Variants in PTPN3 observed in about 807,000 individuals in gnomAD.
PTPN3 encodes the protein protein tyrosine phosphatase non-receptor type 3.
A neutral mutation model predicts 132.7 loss-of-function variants in PTPN3; 96 were observed. The ratio of observed to expected loss-of-function variants is 0.72; its 90% CI spans 0.61 to 0.86. The LOEUF (loss-of-function observed/expected upper bound fraction) is 0.86, where lower values mean the gene tolerates loss of function less well. Ranked by LOEUF, PTPN3 falls within the 40% of genes least tolerant of loss-of-function variation. PTPN3 has a pLI of 0.00. For missense variants in PTPN3, 1,125 were observed against 1,159.6 expected (o/e 0.97, Z 0.43); for synonymous variants, 398 against 429.0 (o/e 0.93, Z 0.89).
chr9:109,391,080 A>G (rs543360399), intron 21 of PTPN3, 58 bp downstream of exon 21: 4 of 1,505,482 alleles, frequency 2.7e-6, no homozygotes, highest in African/African-American at 1.4e-5. Flanking sequence ...ACAGGCCCTC[A>G]TCATCGTTGC....
At chr9:109,477,160 G>A (rs763618537) in intron 1 of PTPN3, among the ~76,000 whole-genome samples, 9 of 152,306 alleles carry the variant, frequency 5.9e-5, no homozygotes, top group Middle Eastern at 6.8e-3. Flanking sequence ...ACGAATTACA[G>A]GTGATTCACT....
At chr9:109,449,622 C>T in intron 5 of PTPN3, 1 of 985,410 alleles carries the variant, frequency 1.0e-6, no homozygotes. Context: ...CCTGGGGAGA[C>T]TTCTATTTAG....
chr9:109,440,544 C>T (rs1002202677), intron 7 of PTPN3, among the ~76,000 whole-genome samples: 1 of 152,190 alleles, frequency 6.6e-6, no homozygotes, highest in African/African-American at 2.4e-5. Context: ...CACCAGCCTG[C>T]CTGCCAGGCC....
intron 19 of PTPN3, among the ~76,000 whole-genome samples, chr9:109,398,352 T>C (rs1840767687): frequency 6.6e-6 from 1 of 152,220 alleles, no homozygotes. Context: ...AAACCTCTTA[T>C]AAAGTTTTCA....
intron 1 of PTPN3, among the ~76,000 whole-genome samples, chr9:109,474,337 C>T (rs1846532553): frequency 6.6e-6 from 1 of 152,174 alleles, no homozygotes; most frequent in South Asian, 2.1e-4. Context: ...TTTTAGCCTC[C>T]TTGGTTGCTA....
chr9:109,444,018 C>T (rs1844675808), intron 7 of PTPN3, among the ~76,000 whole-genome samples: 1 of 152,190 alleles, frequency 6.6e-6, no homozygotes, highest in South Asian at 2.1e-4. Flanking sequence ...AGGGCCACCT[C>T]AGGAGTCCGT....
chr9:109,500,650 G>C (rs1462029852), upstream of PTPN3, among the ~76,000 whole-genome samples: 1 of 151,492 alleles, frequency 6.6e-6, no homozygotes, highest in East Asian at 1.9e-4. Context: ...CAGAAAACAG[G>C]TCGGGTGAGG....
intron 21 of PTPN3, among the ~76,000 whole-genome samples, chr9:109,390,341 C>T (rs1271283551): frequency 4.6e-5 from 7 of 152,156 alleles, no homozygotes; most frequent in Non-Finnish European, 8.8e-5. Flanking sequence ...CCACGTATCG[C>T]CTGAAGGCCA....
chr9:109,448,983 T>C, intron 5 of PTPN3, 128 bp from the exon 6 acceptor site: 1 of 1,468,114 alleles, frequency 6.8e-7, no homozygotes, highest in Non-Finnish European at 9.0e-7. Flanking sequence ...ACGGTTTTGG[T>C]CCAAGGTATC....
chr9:109,420,430 T>C lies in PTPN3; in HGVS notation c.1307A>G (p.His436Arg). 1 of 1,593,448 alleles carries C rather than the reference T, an allele frequency of 6.3e-7. No homozygotes were observed. The highest frequency in any genetic ancestry group is 8.6e-7 in the Non-Finnish European group (1 of 1,165,718). The stretch of plus-strand genomic sequence containing the variant: ...AACAACACGAGTTTCTTACTCTTGG[T>C]GCGGGCTTCGGTTCTGAGAAACTTC... ...DSEVSQNRSP[H>R]QESLSENNPA... The change falls in exon 14 of 26, where the codon CAC (histidine) becomes CGC (arginine). Residue 436 changes from histidine to arginine, a missense_variant. Coordinates refer to ENST00000374541, the MANE Select transcript of PTPN3 (RefSeq NM_002829.4).
At chr9:109,437,296 G>A (rs2131931895) in intron 8 of PTPN3, among the ~76,000 whole-genome samples, 1 of 152,298 alleles carries the variant, frequency 6.6e-6, no homozygotes, top group South Asian at 2.1e-4. Flanking sequence ...GGAATCTTTA[G>A]GTCTCTCTGC....
Position 109,426,990 on chromosome 9 carries a change from G to A in PTPN3, c.961C>T (p.Leu321=). The A allele has an allele frequency of 6.2e-7, 1 of 1,613,808 alleles. No individual in the cohort carries two copies. Among genetic ancestry groups the A allele is most frequent in the East Asian group, 2.2e-5 (1 of 44,884 alleles). ...GAGCCCATAGTCCAGTACTGAGACA[G>A]AACATTCTTTTCCTGAGGTAGTAGC... is the stretch of plus-strand genomic sequence containing the variant. ...KKLLPQEKNV[L]SQYWTMGSRN... Residue 321 remains leucine (L), a synonymous_variant, in exon 12 of 26, where the codon CTG becomes TTG. Coordinates refer to ENST00000374541, the MANE Select transcript of PTPN3 (RefSeq NM_002829.4).
intron 23 of PTPN3, among the ~76,000 whole-genome samples, chr9:109,382,934 T>C (rs1435713875): frequency 6.6e-6 from 1 of 152,164 alleles, no homozygotes; most frequent in Non-Finnish European, 1.5e-5. Flanking sequence ...CATTATGCCA[T>C]ATGGCAAAAT....
rs1011708988 is a variant in PTPN3, at chr9:109,485,689, C to T, written c.-18+12530G>A. Among the ~76,000 whole-genome samples, 9 of 152,160 alleles carry T rather than the reference C, an allele frequency of 5.9e-5. No homozygotes were observed. In the East Asian group the frequency reaches 7.7e-4, roughly 13 times the overall value. ...CAGTTTCCACACTCATCTCCTCCTA[C>T]GGAAACCAGACTCTTCTCCTTCCCC... is the stretch of plus-strand genomic sequence containing the variant. On this transcript the variant is annotated intron_variant, in intron 1 of 25. Transcript: ENST00000374541.
Position 109,392,969 on chromosome 9 carries a change from C to T in PTPN3, c.1954-1408G>A, listed in dbSNP as rs139962845. On this transcript the variant is annotated intron_variant, in intron 19 of 25. Transcript: ENST00000374541. ...GTCCTAAAAGAAGATAGTAAGTATTCCTTAGAAAAAGTTTCAAAGTCAAGA... is the reference window on the plus strand; with the variant it reads ...GTCCTAAAAGAAGATAGTAAGTATTTCTTAGAAAAAGTTTCAAAGTCAAGA... 4.6e-5 allele frequency: 7 copies of T among 152,226 alleles called. 1 individual carries two copies. In the East Asian group the frequency reaches 1.4e-3, roughly 29 times the overall value. 9.4% of individuals were successfully genotyped at this position (152,226 alleles called of 1,614,324 possible). A position where few individuals can be genotyped will look rare whatever the true frequency, so the allele number is the denominator to read the frequency against.
chr9:109,469,181 G>C (rs1846246985), intron 1 of PTPN3, among the ~76,000 whole-genome samples: 1 of 152,156 alleles, frequency 6.6e-6, no homozygotes, highest in Non-Finnish European at 1.5e-5. Context: ...ACAACGAAAG[G>C]GTAATGCCGC....
intron 1 of PTPN3, among the ~76,000 whole-genome samples, chr9:109,483,001 C>T (rs1847032106): frequency 6.6e-6 from 1 of 152,234 alleles, no homozygotes; most frequent in Non-Finnish European, 1.5e-5. Flanking sequence ...GCTATCCATG[C>T]CCTGATGCAC....
In PTPN3 at chr9:109,401,653, C is replaced by T. The variant is rs56106258; in HGVS notation, c.1953+2795G>A. Reference sequence around the variant, plus strand: ...CCCACAGCGCCTCCTTGTGGACTATCTGATAAACTGGAACCAGTTCTCGCA... The same window carrying T: ...CCCACAGCGCCTCCTTGTGGACTATTTGATAAACTGGAACCAGTTCTCGCA... On this transcript the variant is annotated intron_variant, in intron 19 of 25. Coordinates refer to ENST00000374541, the MANE Select transcript of PTPN3 (RefSeq NM_002829.4). Among the ~76,000 whole-genome samples the T allele has an allele frequency of 2.9e-3, 438 of 152,288 alleles. 1 individual carries two copies. Among genetic ancestry groups the T allele is most frequent in the Non-Finnish European group, 5.2e-3 (351 of 68,018 alleles).
chr9:109,514,041 G>A, the PTPN3 span, among the ~76,000 whole-genome samples: 3 of 152,088 alleles, frequency 2.0e-5, no homozygotes, highest in Non-Finnish European at 4.4e-5. Flanking sequence ...CCACCCAGTT[G>A]TCTGGACTCC....
Sources: gnomAD v4.1 joint callset for allele counts (sites outside exome capture counted in the v4.1 genomes callset) on GRCh38, gnomAD v4.1.1 for gene constraint, MANE v1.5 for transcripts, NCBI Gene and HGNC (gene_info 2026-07-23, HGNC 2026-07-21) for gene names.